Variants in CYP20A1 observed in about 807,000 individuals in gnomAD.
CYP20A1 encodes the protein cytochrome P450 20A1.
In CYP20A1, 61 loss-of-function variants were observed where a neutral mutation model predicts 61.4. The ratio of observed to expected loss-of-function variants is 0.99; its 90% CI spans 0.81 to 1.23. CYP20A1 has a LOEUF of 1.23. CYP20A1 is among the 50% of genes most tolerant of loss of function. The pLI is 0.00. For missense variants in CYP20A1, 530 were observed against 542.4 expected (o/e 0.98, Z 0.23); for synonymous variants, 193 against 188.2 (o/e 1.03, Z -0.21).
intron 6 of CYP20A1, among the ~76,000 whole-genome samples, chr2:203,276,246 G>A (rs552240345): frequency 6.6e-6 from 1 of 152,286 alleles, no homozygotes; most frequent in South Asian, 2.1e-4. Context: ...AGAAGATGAG[G>A]TCAGAAAGAC....
At chr2:203,260,468 C>T (rs566220872) in intron 4 of CYP20A1, among the ~76,000 whole-genome samples, 74 of 151,982 alleles carry the variant, frequency 4.9e-4, no homozygotes, top group Non-Finnish European at 8.7e-4. Flanking sequence ...GTGATCCATC[C>T]GCTTCGGCCT....
chr2:203,249,208 A>G (rs1474683865), intron 3 of CYP20A1, among the ~76,000 whole-genome samples: 1 of 152,216 alleles, frequency 6.6e-6, no homozygotes, highest in Non-Finnish European at 1.5e-5. Flanking sequence ...AAAATGAAAA[A>G]TTTTAGTACA....
At chr2:203,262,509 C>A (rs1158705688) in intron 4 of CYP20A1, among the ~76,000 whole-genome samples, 1 of 152,028 alleles carries the variant, frequency 6.6e-6, no homozygotes, top group Non-Finnish European at 1.5e-5. Context: ...TGTTTATGCT[C>A]TTATGTTTAT....
chr2:203,256,995 A>G (rs1370037111), intron 4 of CYP20A1, among the ~76,000 whole-genome samples: 1 of 152,028 alleles, frequency 6.6e-6, no homozygotes, highest in Admixed American at 6.6e-5. Context: ...AACTGGATAT[A>G]TTTACATAAA....
At chr2:203,256,401 C>T (rs187527311) in intron 4 of CYP20A1, among the ~76,000 whole-genome samples, 100 of 152,132 alleles carry the variant, frequency 6.6e-4, no homozygotes, top group African/African-American at 2.2e-3. Context: ...GCTCTGTCTG[C>T]CAGGCTGGAG....
At chr2:203,267,858 AAAG>A (rs1337811791) in intron 5 of CYP20A1, among the ~76,000 whole-genome samples, 1 of 152,014 alleles carries the variant, frequency 6.6e-6, no homozygotes, top group Non-Finnish European at 1.5e-5. Flanking sequence ...AAAAAAAAAA[AAAG>A]AGCGATCTCA....
At chr2:203,270,231 G>A (rs1246166069) in intron 5 of CYP20A1, among the ~76,000 whole-genome samples, 1 of 152,148 alleles carries the variant, frequency 6.6e-6, no homozygotes, top group African/African-American at 2.4e-5. Flanking sequence ...TGGCGCTCCA[G>A]CCTTGGAGAC....
intron 7 of CYP20A1, among the ~76,000 whole-genome samples, chr2:203,279,454 G>A (rs192833361): frequency 3.3e-5 from 5 of 152,280 alleles, no homozygotes; most frequent in African/African-American, 1.2e-4. Flanking sequence ...ACCAGGTGTG[G>A]CAGTGTGGCT....
At chr2:203,246,254 G>T (rs1435164996) in intron 2 of CYP20A1, among the ~76,000 whole-genome samples, 1 of 152,180 alleles carries the variant, frequency 6.6e-6, no homozygotes, top group Non-Finnish European at 1.5e-5. Context: ...CAATTCCTTT[G>T]ATTGCCCTAA....
In CYP20A1 at chr2:203,265,427, G is replaced by C. The variant is rs369422963; in HGVS notation, c.433-1087G>C. ...TTACCAATTACTCAACAATGCCAGG[G>C]TCTTACTAACTCCATATTCTCTCTC... is the stretch of plus-strand genomic sequence containing the variant. On this transcript the variant is annotated intron_variant, in intron 4 of 12. Transcript: ENST00000356079. Among the ~76,000 whole-genome samples the C allele has an allele frequency of 4.7e-4, 71 of 152,228 alleles. 1 individual carries two copies. In the East Asian group the frequency reaches 5.2e-3, roughly 11 times the overall value.
At chr2:203,271,052 G>GTATATATATATATATATA (rs1352823025) in intron 5 of CYP20A1, among the ~76,000 whole-genome samples, 5 of 45,758 alleles carry the variant, frequency 1.1e-4, no homozygotes, top group African/African-American at 2.8e-4. Context: ...ATATGTATAT[G>GTATATATATATATATATA]TGTATATATA....
At chr2:203,276,823 G>A (rs1422958828) in intron 6 of CYP20A1, among the ~76,000 whole-genome samples, 1 of 152,078 alleles carries the variant, frequency 6.6e-6, no homozygotes, top group Non-Finnish European at 1.5e-5. Flanking sequence ...ATACAGATTT[G>A]GAAGTGCACG....
intron 7 of CYP20A1, among the ~76,000 whole-genome samples, chr2:203,278,964 TTTG>T (rs756558586): frequency 6.6e-5 from 10 of 152,238 alleles, no homozygotes; most frequent in East Asian, 5.8e-4. Flanking sequence ...TTTTGGGTTT[TTTG>T]TTGTTGTTGT....
chr2:203,251,177 C>T (rs970754559), intron 3 of CYP20A1, among the ~76,000 whole-genome samples: 2 of 147,006 alleles, frequency 1.4e-5, no homozygotes, highest in Non-Finnish European at 3.0e-5. Flanking sequence ...ATTGTTTTTA[C>T]AATGACAGTG....
chr2:203,280,174 G>T, intron 8 of CYP20A1, 61 bp downstream of exon 8: 1 of 1,328,480 alleles, frequency 7.5e-7, no homozygotes. Flanking sequence ...GAGCACAGTG[G>T]CTCACACCTG....
rs978400253 is a variant in CYP20A1 at position 203,303,948 on chromosome 2, C to T, written c.*7040C>T. Among the ~76,000 whole-genome samples the T allele has an allele frequency of 1.1e-4, 17 of 151,350 alleles. No individual in the cohort carries two copies. The highest frequency in any genetic ancestry group is 4.1e-4 in the African/African-American group (17 of 41,236). The stretch of plus-strand genomic sequence containing the variant: ...ATTTAAAGAAATTTTTGGCTGGTGC[C>T]GTGGCTCACACCTGTAATCCCAGCA... On this transcript the variant is annotated 3_prime_UTR_variant, in exon 13 of 13. Coordinates refer to ENST00000356079, the MANE Select transcript of CYP20A1 (RefSeq NM_177538.3).
chr2:203,278,964 T>TTTG (rs756558586), intron 7 of CYP20A1, among the ~76,000 whole-genome samples: 25 of 152,236 alleles, frequency 1.6e-4, no homozygotes, highest in Non-Finnish European at 3.1e-4. Flanking sequence ...TTTTGGGTTT[T>TTTG]TTGTTGTTGT....
chr2:203,280,575 C>A (rs1246746840), intron 8 of CYP20A1, among the ~76,000 whole-genome samples: 1 of 152,156 alleles, frequency 6.6e-6, no homozygotes, highest in Non-Finnish European at 1.5e-5. Context: ...GTGGCGCATG[C>A]CTGTGGTTGC....
At chr2:203,239,217 C>A (rs1019071996) in intron 1 of CYP20A1, 83 bp downstream of exon 1, 16 of 1,224,986 alleles carry the variant, frequency 1.3e-5, no homozygotes, top group Middle Eastern at 2.1e-4. Context: ...CTGCCCGCTG[C>A]GGGCCGCAGG....
Sources: allele counts gnomAD v4.1 joint callset (sites outside exome capture counted in the v4.1 genomes callset), GRCh38; gene constraint gnomAD v4.1.1; transcripts MANE v1.5; gene names NCBI Gene and HGNC (gene_info 2026-07-23, HGNC 2026-07-21).